The following AGFG1 variants were observed in gnomAD, a reference collection of about 807,000 sequenced individuals.
AGFG1 encodes the protein arf-GAP domain and FG repeat-containing protein 1.
In AGFG1, 10 loss-of-function variants were observed where a neutral mutation model predicts 60.6. The observed-to-expected ratio is 0.16, with a 90% CI of 0.10 to 0.28. The LOEUF (loss-of-function observed/expected upper bound fraction) is 0.28. Among genes scored for constraint, AGFG1 ranks in the 10% least tolerant of loss-of-function variants. AGFG1 has a pLI of 1.00. For missense variants in AGFG1, 537 were observed against 676.5 expected (o/e 0.79, Z 2.29); for synonymous variants, 247 against 242.9 (o/e 1.02, Z -0.16).
chr2:227,492,124 C>T (rs1461961212), intron 2 of AGFG1, among the ~76,000 whole-genome samples: 2 of 151,932 alleles, frequency 1.3e-5, no homozygotes, highest in East Asian at 3.9e-4. Context: ...TCAGTGGCAG[C>T]TAAGTGTCAT....
intron 6 of AGFG1, chr2:227,532,311 A>G: frequency 1.2e-6 from 1 of 818,752 alleles, no homozygotes; most frequent in Non-Finnish European, 1.8e-6. Flanking sequence ...CTTTAGTGAT[A>G]ATCCTTCATA....
intron 5 of AGFG1, among the ~76,000 whole-genome samples, chr2:227,526,444 G>A (rs547553189): frequency 1.4e-4 from 19 of 140,266 alleles, no homozygotes; most frequent in Non-Finnish European, 2.6e-4. Flanking sequence ...CACCATGTTG[G>A]CCAGGCTGGT....
chr2:227,503,581 T>C (rs1691222157), intron 2 of AGFG1, among the ~76,000 whole-genome samples: 1 of 152,190 alleles, frequency 6.6e-6, no homozygotes, highest in Non-Finnish European at 1.5e-5. Flanking sequence ...CCCTCCACTG[T>C]TGGCAGCTTT....
chr2:227,523,165 ATTGTAAAG>A (rs2106208313), intron 3 of AGFG1, among the ~76,000 whole-genome samples: 1 of 152,340 alleles, frequency 6.6e-6, no homozygotes, highest in East Asian at 1.9e-4. Flanking sequence ...GCAATAAAAA[ATTGTAAAG>A]TTCACACTTA....
rs899459330 is a variant in AGFG1 at position 227,554,327 on chromosome 2, T to G, written c.1630-109T>G. Reference sequence around the variant, plus strand: ...TATTGCCAATAATTTAAAAAATAATTCTTAACCAAAAAGTCTAATTAAAAA... The same window carrying G: ...TATTGCCAATAATTTAAAAAATAATGCTTAACCAAAAAGTCTAATTAAAAA... On this transcript the variant is annotated intron_variant, in intron 12 of 12. Transcript: ENST00000310078. 1.9e-5 allele frequency: 17 copies of G among 890,136 alleles called. No individual in the cohort carries two copies. The African/African-American group carries it at 2.7e-4, about 14-fold the overall frequency. 55.1% of individuals were successfully genotyped at this position (890,136 alleles called of 1,614,324 possible). A position where few individuals can be genotyped will look rare whatever the true frequency, so the allele number is the denominator to read the frequency against.
chr2:227,501,892 T>G (rs1691168475), intron 2 of AGFG1, among the ~76,000 whole-genome samples: 1 of 151,764 alleles, frequency 6.6e-6, no homozygotes, highest in Non-Finnish European at 1.5e-5. Flanking sequence ...AGGTTCTTAC[T>G]CTGTTGTCCA....
Position 227,559,414 on chromosome 2 carries a change from T to A in AGFG1, c.*4919T>A, listed in dbSNP as rs1693069763. The A allele has an allele frequency of 6.6e-6, 1 of 152,212 alleles. No homozygotes were observed. Among genetic ancestry groups the A allele is most frequent in the Non-Finnish European group, 1.5e-5 (1 of 68,032 alleles). 9.4% of individuals were successfully genotyped at this position (152,212 alleles called of 1,614,324 possible). A position where few individuals can be genotyped will look rare whatever the true frequency, so the allele number is the denominator to read the frequency against. ...TGTAAGTTTGGGCTGACAGTGGTATTTTCCAGTGAAGACTATCGCCAAGAA... is the reference window on the plus strand; with the variant it reads ...TGTAAGTTTGGGCTGACAGTGGTATATTCCAGTGAAGACTATCGCCAAGAA... On this transcript the variant is annotated 3_prime_UTR_variant, in exon 13 of 13. Transcript: ENST00000310078.
At chr2:227,531,525 CTTTTTTT>C (rs34372948) in intron 6 of AGFG1, among the ~76,000 whole-genome samples, 1 of 130,240 alleles carries the variant, frequency 7.7e-6, no homozygotes, top group African/African-American at 2.9e-5. Context: ...CTCTCTGTCT[CTTTTTTT>C]TTTTTTTTGG....
chr2:227,515,974 C>T (rs1478701056), intron 2 of AGFG1, among the ~76,000 whole-genome samples: 1 of 152,166 alleles, frequency 6.6e-6, no homozygotes, highest in East Asian at 1.9e-4. Context: ...CACTGAAACA[C>T]TGTCTGTGTT....
chr2:227,518,768 C>G (rs759233406), intron 2 of AGFG1, among the ~76,000 whole-genome samples: 1 of 151,944 alleles, frequency 6.6e-6, no homozygotes, highest in African/African-American at 2.4e-5. Flanking sequence ...TCAGGTGATC[C>G]GCCTGCACCC....
At chr2:227,510,773 A>G (rs945548138) in intron 2 of AGFG1, 6 of 152,220 alleles carry the variant, frequency 3.9e-5, no homozygotes, top group African/African-American at 1.4e-4. Flanking sequence ...AGGTATGGGT[A>G]TGTGAGCTGT....
intron 5 of AGFG1, among the ~76,000 whole-genome samples, chr2:227,528,170 T>C (rs781095274): frequency 2.6e-5 from 4 of 152,218 alleles, no homozygotes; most frequent in Non-Finnish European, 5.9e-5. Flanking sequence ...GTTTTAAATA[T>C]TAATAAAAAC....
At chr2:227,552,466 T>C (rs530187483) in intron 11 of AGFG1, among the ~76,000 whole-genome samples, 1 of 152,336 alleles carries the variant, frequency 6.6e-6, no homozygotes, top group East Asian at 1.9e-4. Flanking sequence ...GGATTTTTTT[T>C]TCCTTTCAGG....
Position 227,509,760 on chromosome 2 carries a change from A to G in AGFG1, c.262-10188A>G, listed in dbSNP as rs910270945. On this transcript the variant is annotated intron_variant, in intron 2 of 12. Transcript: ENST00000310078. ...ACTAAATTGTAATGTTTAAGGATGT[A>G]TACATGGTGGGGGTGGGTAACAGTA... Among the ~76,000 whole-genome samples the G allele has an allele frequency of 2.0e-5, 3 of 151,952 alleles. No individual in the cohort carries two copies. In the East Asian group the frequency reaches 5.8e-4, roughly 29 times the overall value.
chr2:227,481,597 TCCAAATTTTGTTATTCA>T (rs1690466054), intron 1 of AGFG1, among the ~76,000 whole-genome samples: 1 of 152,206 alleles, frequency 6.6e-6, no homozygotes, highest in South Asian at 2.1e-4. Flanking sequence ...TTTTAAATCT[TCCAAATTTTGTTATTCA>T]AGAACTGTCG....
intron 2 of AGFG1, among the ~76,000 whole-genome samples, chr2:227,501,679 G>A (rs769371042): frequency 2.6e-5 from 4 of 151,830 alleles, no homozygotes; most frequent in Non-Finnish European, 5.9e-5. Flanking sequence ...GACTTCCTGG[G>A]CTCAGGTGAT....
chr2:227,493,114 G>A (rs1204033323), intron 2 of AGFG1, among the ~76,000 whole-genome samples: 3 of 152,138 alleles, frequency 2.0e-5, no homozygotes, highest in Non-Finnish European at 4.4e-5. Flanking sequence ...ATAAGGTTAG[G>A]TGGAGACTGG....
chr2:227,494,266 G>C (rs376733803), intron 2 of AGFG1, among the ~76,000 whole-genome samples: 7 of 151,880 alleles, frequency 4.6e-5, no homozygotes, highest in South Asian at 4.2e-4. Context: ...TCTATTATCA[G>C]TTTATCTTTT....
intron 5 of AGFG1, among the ~76,000 whole-genome samples, chr2:227,526,984 T>C (rs1199295971): frequency 6.6e-6 from 1 of 152,234 alleles, no homozygotes; most frequent in Non-Finnish European, 1.5e-5. Flanking sequence ...TTTATTTTGT[T>C]AACAAGCATG....
Sources: gnomAD v4.1 joint callset for allele counts (sites outside exome capture counted in the v4.1 genomes callset) on GRCh38, gnomAD v4.1.1 for gene constraint, MANE v1.5 for transcripts, NCBI Gene and HGNC (gene_info 2026-07-23, HGNC 2026-07-21) for gene names.